SAMMSON: variants seen among roughly 807,000 people sequenced by gnomAD.
The protein encoded by SAMMSON is long intergenic non-protein coding RNA 1212.
intron 6 of SAMMSON, among the ~76,000 whole-genome samples, chr3:70,280,600 C>T (rs570395974): frequency 1.3e-5 from 2 of 152,112 alleles, no homozygotes; most frequent in Non-Finnish European, 2.9e-5. Context: ...CAGAAGCAGC[C>T]TCAGAAGCAA....
At chr3:70,000,855 A>G (rs1348633216) in intron 1 of SAMMSON, among the ~76,000 whole-genome samples, 2 of 152,166 alleles carry the variant, frequency 1.3e-5, no homozygotes, top group Admixed American at 6.5e-5. Flanking sequence ...GACACTCAAC[A>G]GTGTTTTTGC....
intron 3 of SAMMSON, among the ~76,000 whole-genome samples, chr3:70,049,442 A>G (rs2067138577): frequency 6.6e-6 from 1 of 152,162 alleles, no homozygotes; most frequent in Admixed American, 6.5e-5. Flanking sequence ...ATGATTAATG[A>G]TACAGGCTTT....
At chr3:70,171,133 TA>T (rs919495479) in intron 4 of SAMMSON, among the ~76,000 whole-genome samples, 3 of 151,840 alleles carry the variant, frequency 2.0e-5, no homozygotes, top group African/African-American at 4.8e-5. Flanking sequence ...AAAACACTCT[TA>T]AAAAAACACA....
chr3:70,141,113 C>A (rs1033255895), intron 4 of SAMMSON, among the ~76,000 whole-genome samples: 3 of 152,112 alleles, frequency 2.0e-5, no homozygotes, highest in Non-Finnish European at 4.4e-5. Flanking sequence ...TTCCACATTT[C>A]TAGGCATTTG....
In SAMMSON at chr3:70,221,853, G is replaced by A. The variant is rs923452487; in HGVS notation, n.508-27254G>A. On this transcript the variant is annotated intron_variant and non_coding_transcript_variant, in intron 4 of 9. Transcript: ENST00000642114. The stretch of plus-strand genomic sequence containing the variant: ...TTTTGGCTGGGGCAAAAGTAATTGA[G>A]GTTTTGTCGTTACTTTCAATTGGAA... Among the ~76,000 whole-genome samples, 8 of 152,114 alleles carry A rather than the reference G, an allele frequency of 5.3e-5. 1 individual carries two copies. The highest frequency in any genetic ancestry group is 1.9e-4 in the African/African-American group (8 of 41,428).
At chr3:70,044,324 A>G (rs2067116168) in intron 3 of SAMMSON, among the ~76,000 whole-genome samples, 1 of 151,984 alleles carries the variant, frequency 6.6e-6, no homozygotes, top group African/African-American at 2.4e-5. Flanking sequence ...TTAGGGGGTA[A>G]AGGGGATGCA....
intron 4 of SAMMSON, among the ~76,000 whole-genome samples, chr3:70,179,772 C>T (rs1701037026): frequency 1.3e-5 from 2 of 152,066 alleles, no homozygotes; most frequent in South Asian, 2.1e-4. Context: ...TGTTCTATAT[C>T]TGAATGGGGT....
chr3:70,351,395 G>A (rs550731054), intron 7 of SAMMSON, among the ~76,000 whole-genome samples: 2 of 152,052 alleles, frequency 1.3e-5, no homozygotes, highest in South Asian at 4.2e-4. Context: ...CTGGTATTTG[G>A]GGCAGAGAAG....
intron 3 of SAMMSON, among the ~76,000 whole-genome samples, chr3:70,041,780 T>C (rs931670561): frequency 1.3e-5 from 2 of 152,126 alleles, no homozygotes; most frequent in Non-Finnish European, 1.5e-5. Flanking sequence ...GCAGAAGTTA[T>C]ATGCAGATTT....
chr3:70,320,226 G>T (rs1702526852), intron 7 of SAMMSON, among the ~76,000 whole-genome samples: 1 of 152,076 alleles, frequency 6.6e-6, no homozygotes, highest in African/African-American at 2.4e-5. Context: ...TAGACATTGG[G>T]AGAAGAAGCA....
chr3:70,153,944 A>G (rs1049627991), intron 4 of SAMMSON, among the ~76,000 whole-genome samples: 3 of 152,046 alleles, frequency 2.0e-5, no homozygotes, highest in African/African-American at 7.2e-5. Flanking sequence ...TATAAGTGGA[A>G]TCAGACAATA....
intron 7 of SAMMSON, among the ~76,000 whole-genome samples, chr3:70,325,722 C>G (rs1038828464): frequency 1.3e-5 from 2 of 152,080 alleles, no homozygotes; most frequent in African/African-American, 2.4e-5. Context: ...CAACCTTTGC[C>G]CTTTATAAAC....
At chr3:70,052,805 G>A (rs932548551) in intron 3 of SAMMSON, among the ~76,000 whole-genome samples, 7 of 152,064 alleles carry the variant, frequency 4.6e-5, no homozygotes, top group African/African-American at 1.4e-4. Flanking sequence ...GTTAGAGGTT[G>A]GGAGAATGTA....
chr3:70,222,812 A>G (rs897375179), intron 4 of SAMMSON, among the ~76,000 whole-genome samples: 1 of 152,176 alleles, frequency 6.6e-6, no homozygotes, highest in African/African-American at 2.4e-5. Flanking sequence ...CCTCCCTAAG[A>G]TAGCTCCATA....
chr3:70,208,161 T>G (rs1415351417), intron 4 of SAMMSON, among the ~76,000 whole-genome samples: 3 of 152,070 alleles, frequency 2.0e-5, no homozygotes, highest in Non-Finnish European at 2.9e-5. Context: ...ACTTAAAACC[T>G]GAACAAGCAA....
At chr3:70,086,013 T>G in intron 4 of SAMMSON, among the ~76,000 whole-genome samples, 1 of 152,226 alleles carries the variant, frequency 6.6e-6, no homozygotes, top group East Asian at 1.9e-4. Flanking sequence ...ATGGGTTTCT[T>G]AAAAGCATCA....
chr3:70,315,533 T>C (rs550122096), intron 7 of SAMMSON, among the ~76,000 whole-genome samples: 9 of 152,314 alleles, frequency 5.9e-5, no homozygotes, highest in Non-Finnish European at 1.2e-4. Flanking sequence ...TACTTTTTCC[T>C]GGATCAACTT....
chr3:70,247,164 C>A (rs1400865059), intron 4 of SAMMSON, among the ~76,000 whole-genome samples: 1 of 151,866 alleles, frequency 6.6e-6, no homozygotes, highest in East Asian at 1.9e-4. Flanking sequence ...GATTTTTCTC[C>A]TTTTTTCTAA....
intron 4 of SAMMSON, among the ~76,000 whole-genome samples, chr3:70,175,017 TA>T (rs1296624436): frequency 6.6e-6 from 1 of 152,136 alleles, no homozygotes; most frequent in Non-Finnish European, 1.5e-5. Context: ...GTTTTTCTTT[TA>T]TGTCACAAAA....
Sources: allele counts gnomAD v4.1 joint callset (sites outside exome capture counted in the v4.1 genomes callset), GRCh38; gene constraint gnomAD v4.1.1; transcripts MANE v1.5; gene names NCBI Gene and HGNC (gene_info 2026-07-23, HGNC 2026-07-21).